IPO5: variants seen among roughly 807,000 people sequenced by gnomAD.
IPO5 encodes importin 5, also known as importin-5.
Under a neutral mutation model 143.3 loss-of-function variants are expected in IPO5, and 18 were observed. That is an observed-to-expected ratio of 0.13 (90% CI 0.09 to 0.19). The LOEUF is 0.19. IPO5 is among the 10% of genes least tolerant of loss of function. IPO5 has a pLI of 1.00. For missense variants in IPO5, 1,013 were observed against 1,336.9 expected, an observed-to-expected ratio of 0.76 and a Z score of 3.78; for synonymous variants, 477 against 465.7, an observed-to-expected ratio of 1.02 and a Z score of -0.31.
At chr13:98,007,576 A>G (rs1451232969) in intron 17 of IPO5, 1 of 152,392 alleles carries the variant, frequency 6.6e-6, no homozygotes, top group Non-Finnish European at 1.5e-5. Context: ...GACGCTGACC[A>G]CTAAAACATT....
rs1889240025 is a variant in IPO5, at chr13:98,006,355, A to AATTTTTTTTT, written c.1716+8_1716+17dup. 11 of 705,466 alleles carry AATTTTTTTTT rather than the reference A, an allele frequency of 1.6e-5. 1 individual carries two copies. The highest frequency in any genetic ancestry group is 2.0e-6 in the Non-Finnish European group (1 of 503,562). The allele number at this position is 705,466 out of a possible 1,614,324, so 43.7% of individuals were successfully genotyped here. A position where few individuals can be genotyped will look rare whatever the true frequency, so the allele number is the denominator to read the frequency against. ...GGCTGTTGGGAAGGAAAAAGTAAGT[A>AATTTTTTTTT]ATTTTTTTTTTTTTTTTTTTTTTTT... On this transcript the variant is annotated splice_region_variant and intron_variant, in intron 17 of 28. Transcript: ENST00000651721.
intron 4 of IPO5, among the ~76,000 whole-genome samples, chr13:97,977,773 C>G (rs1886507114): frequency 6.6e-6 from 1 of 152,192 alleles, no homozygotes; most frequent in African/African-American, 2.4e-5. Context: ...GAGAAACTTT[C>G]CAGTTTCTTA....
chr13:98,021,827 C>A lies in IPO5; in HGVS notation c.*5C>A. ...GAGCTCCTGAACTCTGCGTGAAGGGCCTTAATGTCACCCACCAGAAAACTA... is the reference window on the plus strand; with the variant it reads ...GAGCTCCTGAACTCTGCGTGAAGGGACTTAATGTCACCCACCAGAAAACTA... On this transcript the variant is annotated 3_prime_UTR_variant, in exon 29 of 29. Transcript: ENST00000651721. 1 of 1,588,656 alleles carries A rather than the reference C, an allele frequency of 6.3e-7. No individual in the cohort carries two copies. Among genetic ancestry groups the A allele is most frequent in the Non-Finnish European group, 8.6e-7 (1 of 1,160,334 alleles).
In IPO5 at chr13:97,976,691, A is replaced by G. The variant is rs2139600486; in HGVS notation, c.-4-2A>G. On this transcript the variant is annotated splice_acceptor_variant, in intron 3 of 28. Transcript: ENST00000651721. LOFTEE classifies it low-confidence loss of function (5UTR_SPLICE). ...CCCTCCCTCCTTCTCTCTCACGCCT[A>G]GCGCAATGGCGGCGGCCGCGGCGGA... 1 of 1,343,576 alleles carries G rather than the reference A, an allele frequency of 7.4e-7. No individual in the cohort carries two copies. Among genetic ancestry groups the G allele is most frequent in the Non-Finnish European group, 9.9e-7 (1 of 1,014,676 alleles). 83.2% of individuals were successfully genotyped at this position (1,343,576 alleles called of 1,614,324 possible). A position where few individuals can be genotyped will look rare whatever the true frequency, so the allele number is the denominator to read the frequency against.
intron 2 of IPO5, among the ~76,000 whole-genome samples, chr13:97,962,250 C>G (rs1884951085): frequency 6.6e-6 from 1 of 152,150 alleles, no homozygotes; most frequent in African/African-American, 2.4e-5. Context: ...ATCCATTTTT[C>G]TCTTCTGCCT....
At position 97,985,603 on chromosome 13, in the gene IPO5, G is replaced by A. The variant is rs368340874; in HGVS notation, c.354G>A (p.Arg118=). ...GTGATATTGCGGCAGAACTGGCCAG[G>A]AATTTAATAGGTGTGTATGCAGGTG... ...KVCDIAAELA[R]NLIDEDGNNQ... Residue 118 remains arginine (R), a synonymous_variant, in exon 6 of 29, where the codon AGG becomes AGA. Transcript: ENST00000651721. 33 of 1,611,806 alleles carry A rather than the reference G, an allele frequency of 2.0e-5. No individual in the cohort carries two copies. The highest frequency in any genetic ancestry group is 1.6e-4 in the East Asian group (7 of 44,840).
chr13:97,970,996 A>T (rs1005585081), intron 3 of IPO5, among the ~76,000 whole-genome samples: 1 of 152,218 alleles, frequency 6.6e-6, no homozygotes, highest in Non-Finnish European at 1.5e-5. Flanking sequence ...AGTAAAAAAT[A>T]CTTCTATTAC....
chr13:97,975,382 T>G (rs1489074049), intron 3 of IPO5, among the ~76,000 whole-genome samples: 2 of 152,024 alleles, frequency 1.3e-5, no homozygotes, highest in African/African-American at 4.8e-5. Context: ...TCCCAGGTAT[T>G]TGGGAGGCTG....
At chr13:98,019,546 GTT>G in intron 26 of IPO5, 33 bp from the exon 27 acceptor site, 1 of 1,431,886 alleles carries the variant, frequency 7.0e-7, no homozygotes. Flanking sequence ...AAAATGTGAG[GTT>G]TTAGCTGAAC....
intron 16 of IPO5, among the ~76,000 whole-genome samples, chr13:98,005,322 G>A (rs957578657): frequency 4.6e-5 from 7 of 150,888 alleles, no homozygotes; most frequent in South Asian, 4.2e-4. Context: ...CTCTGCTTCC[G>A]GAGTAATGGG....
chr13:97,961,898 G>A (rs764814360), intron 2 of IPO5, among the ~76,000 whole-genome samples: 10 of 152,168 alleles, frequency 6.6e-5, no homozygotes, highest in Non-Finnish European at 1.5e-4. Flanking sequence ...GGAGACCAAA[G>A]TGAGTGGATC....
At chr13:97,974,178 A>G (rs1445190764) in intron 3 of IPO5, among the ~76,000 whole-genome samples, 2 of 152,248 alleles carry the variant, frequency 1.3e-5, no homozygotes, top group African/African-American at 4.8e-5. Context: ...CTCATTGCCA[A>G]TAGAAACACA....
At position 98,014,029 on chromosome 13, in the gene IPO5, T is replaced by C; in HGVS notation, c.2153-13T>C. On this transcript the variant is annotated splice_polypyrimidine_tract_variant and intron_variant, in intron 21 of 28. Transcript: ENST00000651721. ...ATAATAAACAGTCTTTTGAGGTTCC[T>C]TAACAATGAAACGTGTTCGAGTGGC... 1 of 1,604,180 alleles carries C rather than the reference T, an allele frequency of 6.2e-7. No homozygotes were observed. Among genetic ancestry groups the C allele is most frequent in the South Asian group, 1.1e-5 (1 of 88,978 alleles).
intron 3 of IPO5, among the ~76,000 whole-genome samples, chr13:97,976,239 C>T (rs1008942511): frequency 2.0e-5 from 3 of 151,578 alleles, no homozygotes; most frequent in African/African-American, 7.3e-5. Context: ...CCGGCTCCTC[C>T]CGCTGTCCCC....
At chr13:97,978,225 A>G (rs1484063341) in intron 4 of IPO5, among the ~76,000 whole-genome samples, 1 of 152,222 alleles carries the variant, frequency 6.6e-6, no homozygotes, top group East Asian at 1.9e-4. Flanking sequence ...CTGAAAATTT[A>G]ACATACACAT....
At chr13:97,970,982 CAGT>C (rs147384575) in intron 3 of IPO5, among the ~76,000 whole-genome samples, 2,644 of 152,266 alleles carry the variant, frequency 0.017, 67 homozygotes, top group African/African-American at 0.06. Context: ...GTATTTTAAT[CAGT>C]AGTAAAAAAT....
chr13:98,015,429 T>C, intron 22 of IPO5, 101 bp from the exon 23 acceptor site: 1 of 685,198 alleles, frequency 1.5e-6, no homozygotes, highest in Non-Finnish European at 2.6e-6. Context: ...TCCAGGATAC[T>C]GAACTGTGTT....
At chr13:97,995,771 A>G (rs1888232573) in intron 11 of IPO5, among the ~76,000 whole-genome samples, 1 of 151,960 alleles carries the variant, frequency 6.6e-6, no homozygotes, top group Non-Finnish European at 1.5e-5. Context: ...AATAATAATA[A>G]TAATAATAAT....
intron 27 of IPO5, among the ~76,000 whole-genome samples, chr13:98,020,711 T>C (rs1890429039): frequency 1.3e-5 from 2 of 152,190 alleles, no homozygotes; most frequent in African/African-American, 4.8e-5. Flanking sequence ...ATAAAACTTG[T>C]GTTAAACTTA....
Sources: gnomAD v4.1 joint callset for allele counts (sites outside exome capture counted in the v4.1 genomes callset) on GRCh38, gnomAD v4.1.1 for gene constraint, MANE v1.5 for transcripts, NCBI Gene and HGNC (gene_info 2026-07-23, HGNC 2026-07-21) for gene names.